The following CITED2 variants were observed in gnomAD, a reference collection of about 807,000 sequenced individuals.
CITED2 encodes cbp/p300-interacting transactivator 2.
CITED2 carries 2 observed loss-of-function variants against 11.8 expected under a neutral mutation model. That is an observed-to-expected ratio of 0.17 (90% CI 0.07 to 0.54). The LOEUF (loss-of-function observed/expected upper bound fraction) is 0.54. CITED2 is among the 20% of genes least tolerant of loss of function. The pLI, the probability that CITED2 is intolerant of heterozygous loss-of-function variation, is 0.94. For missense variants in CITED2, 437 were observed against 390.2 expected, an observed-to-expected ratio of 1.12 and a Z score of -1.01; for synonymous variants, 210 against 153.0, an observed-to-expected ratio of 1.37 and a Z score of -2.75.
intron 1 of CITED2, 102 bp downstream of exon 1, chr6:139,374,311 T>A: frequency 1.3e-6 from 1 of 771,284 alleles, no homozygotes; most frequent in East Asian, 2.8e-5. Context: ...CACATCCTGT[T>A]GTTATTCCCC....
At position 139,373,768 on chromosome 6, in the gene CITED2, G is replaced by A. The variant is rs764649998; in HGVS notation, c.177C>T (p.Gly59=). 7 of 1,610,824 alleles carry A rather than the reference G, an allele frequency of 4.3e-6. No individual in the cohort carries two copies. The South Asian group carries it at 5.5e-5, about 13-fold the overall frequency. ...NALMGEHIHY[G]AGNMNATSGI... ...CGCTCGTGGCATTCATGTTGCCCGC[G>A]CCGTAGTGTATGTGCTCGCCCATTA... Residue 59 remains glycine (G), a synonymous_variant, in exon 2 of 2, where the codon GGC becomes GGT. Coordinates refer to ENST00000367651, the MANE Select transcript of CITED2 (RefSeq NM_006079.5).
intron 1 of CITED2, 150 bp downstream of exon 1, chr6:139,374,263 C>A: frequency 7.9e-7 from 1 of 1,269,636 alleles, no homozygotes; most frequent in South Asian, 1.6e-5. Context: ...CTGCTGCGAA[C>A]TTCAGGCATT....
rs1278257258 is a variant in CITED2, at chr6:139,373,159, T to C, written c.786A>G (p.Lys262=). The C allele has an allele frequency of 6.2e-7, 1 of 1,614,164 alleles. No homozygotes were observed. Among genetic ancestry groups the C allele is most frequent in the Non-Finnish European group, 8.5e-7 (1 of 1,180,016 alleles). ...AACAGCTCACTCTGCTGGGCTGCTG[T>C]TTGCACACGAAGTCCGTCATAAAAT... ...EFDFMTDFVC[K]QQPSRVSC Residue 262 remains lysine, a synonymous_variant, in exon 2 of 2, where the codon AAA becomes AAG. Transcript: ENST00000367651.
Position 139,372,226 on chromosome 6 carries a change from A to ACCACC in CITED2, c.*901_*905dup, listed in dbSNP as rs1156414118. ...GGGAAAAAAGCCACCAAAGGGAACA[A>ACCACC]CCACCCCCAAATGACTTCTAGAAAA... On this transcript the variant is annotated 3_prime_UTR_variant, in exon 2 of 2. Coordinates refer to ENST00000367651, the MANE Select transcript of CITED2 (RefSeq NM_006079.5). 1 of 152,522 alleles carries ACCACC rather than the reference A, an allele frequency of 6.6e-6. No individual in the cohort carries two copies. The highest frequency in any genetic ancestry group is 1.5e-5 in the Non-Finnish European group (1 of 68,048). The allele number at this position is 152,522 out of a possible 1,614,324, so 9.4% of individuals were successfully genotyped here. A position where few individuals can be genotyped will look rare whatever the true frequency, so the allele number is the denominator to read the frequency against.
rs538682711 is a variant in CITED2, at chr6:139,371,884, A to T, written c.*1248T>A. 1 of 152,320 alleles carries T rather than the reference A, an allele frequency of 6.6e-6. No homozygotes were observed. The highest frequency in any genetic ancestry group is 2.1e-4 in the South Asian group (1 of 4,822). The allele number at this position is 152,320 out of a possible 1,614,324, so 9.4% of individuals were successfully genotyped here. A position where few individuals can be genotyped will look rare whatever the true frequency, so the allele number is the denominator to read the frequency against. On this transcript the variant is annotated 3_prime_UTR_variant, in exon 2 of 2. Transcript: ENST00000367651. ...CAATCTACCTCTATTTAAGTAGTTG[A>T]ATCAGGTATAAACAGAAACACTTGA...
chr6:139,373,153 C>G lies in CITED2; in HGVS notation c.792G>C (p.Gln264His). ...CGAGTCAACAGCTCACTCTGCTGGG[C>G]TGCTGTTTGCACACGAAGTCCGTCA... is the stretch of plus-strand genomic sequence containing the variant. ...DFMTDFVCKQ[Q>H]PSRVSC The change falls in exon 2 of 2, where the codon CAG becomes CAC. Residue 264 changes from glutamine (Q) to histidine (H), a missense_variant. Gln to His is a conservative substitution (Grantham distance 24). Transcript: ENST00000367651. 6.2e-7 allele frequency: 1 copy of G among 1,614,202 alleles called. No homozygotes were observed. The highest frequency in any genetic ancestry group is 8.5e-7 in the Non-Finnish European group (1 of 1,180,022).
Position 139,374,418 on chromosome 6 carries a change from G to C in CITED2, c.-14C>G. 2.3e-6 allele frequency: 1 copy of C among 429,674 alleles called. No homozygotes were observed. Among genetic ancestry groups the C allele is most frequent in the East Asian group, 3.5e-5 (1 of 28,906 alleles). 26.6% of individuals were successfully genotyped at this position (429,674 alleles called of 1,614,324 possible). A position where few individuals can be genotyped will look rare whatever the true frequency, so the allele number is the denominator to read the frequency against. On this transcript the variant is annotated 5_prime_UTR_variant, in exon 1 of 2. Transcript: ENST00000367651. ...GCTTCGCCCGTCGCGCTTACCTTCC[G>C]TTTTTGCGATTTCTGCTCCGAAGAC...
At position 139,372,619 on chromosome 6, in the gene CITED2, T is replaced by G. The variant is rs1213271898; in HGVS notation, c.*513A>C. 1 of 182,362 alleles carries G rather than the reference T, an allele frequency of 5.5e-6. No individual in the cohort carries two copies. The highest frequency in any genetic ancestry group is 2.4e-5 in the African/African-American group (1 of 42,120). 11.3% of individuals were successfully genotyped at this position (182,362 alleles called of 1,614,324 possible). A position where few individuals can be genotyped will look rare whatever the true frequency, so the allele number is the denominator to read the frequency against. On this transcript the variant is annotated 3_prime_UTR_variant, in exon 2 of 2. Coordinates refer to ENST00000367651, the MANE Select transcript of CITED2 (RefSeq NM_006079.5). ...TTTAATCTTCCAGTTTAGCATATTTTAAAAATTAGTCTGTACTCAAATGCA... is the reference window on the plus strand; with the variant it reads ...TTTAATCTTCCAGTTTAGCATATTTGAAAAATTAGTCTGTACTCAAATGCA...
In CITED2 at chr6:139,373,807, G is replaced by A. The variant is rs147662583; in HGVS notation, c.138C>T (p.His46=). The A allele has an allele frequency of 4.3e-4, 688 of 1,609,312 alleles. 7 individuals are homozygous for A. Among genetic ancestry groups the A allele is most frequent in the Middle Eastern group, 3.3e-4 (2 of 6,030 alleles). ...GCTCGCCCATTAGGGCGTTGAAGGCGTGCTGGGGCTGCTGCTGCTGGTGGT... is the reference window on the plus strand; with the variant it reads ...GCTCGCCCATTAGGGCGTTGAAGGCATGCTGGGGCTGCTGCTGCTGGTGGT... ...PHHHQQQQPQ[H]AFNALMGEHI... The change falls in exon 2 of 2, where the codon CAC becomes CAT. Residue 46 remains histidine, a synonymous_variant. Transcript: ENST00000367651.
Position 139,373,803 on chromosome 6 carries a change from A to G in CITED2, c.142T>C (p.Phe48Leu). ...HHQQQQPQHAFNALMGEHIHY... is the reference protein window; with the variant it reads ...HHQQQQPQHALNALMGEHIHY... Reference sequence around the variant, plus strand: ...ATGTGCTCGCCCATTAGGGCGTTGAAGGCGTGCTGGGGCTGCTGCTGCTGG... The same window carrying G: ...ATGTGCTCGCCCATTAGGGCGTTGAGGGCGTGCTGGGGCTGCTGCTGCTGG... The change falls in exon 2 of 2, where the codon TTC becomes CTC. Residue 48 changes from phenylalanine to leucine, a missense_variant. Phe to Leu is a conservative substitution (Grantham distance 22). Around this residue, in one of 3 missense-constraint regions of CITED2, gnomAD observed 396 missense variants for 325.2 expected, o/e 1.22. Transcript: ENST00000367651. 6.2e-7 allele frequency: 1 copy of G among 1,609,610 alleles called. No homozygotes were observed. The highest frequency in any genetic ancestry group is 8.5e-7 in the Non-Finnish European group (1 of 1,179,910).
Position 139,374,622 on chromosome 6 carries a change from G to C in CITED2, c.-218C>G, listed in dbSNP as rs112831934. On this transcript the variant is annotated 5_prime_UTR_variant, in exon 1 of 2. Transcript: ENST00000367651. ...GTTGCCCTCACAGCTCGGCAGGACCGCCCGGCAGCTGCCAACAATGAGCTG... is the reference window on the plus strand; with the variant it reads ...GTTGCCCTCACAGCTCGGCAGGACCCCCCGGCAGCTGCCAACAATGAGCTG... 6.2e-6 allele frequency: 1 copy of C among 160,126 alleles called. No homozygotes were observed. The highest frequency in any genetic ancestry group is 2.4e-5 in the African/African-American group (1 of 41,690). The allele number at this position is 160,126 out of a possible 1,614,324, so 9.9% of individuals were successfully genotyped here.
At position 139,373,437 on chromosome 6, in the gene CITED2, AGCCGCCGGG is replaced by A. The variant is rs1778298515; in HGVS notation, c.499_507del (p.Pro167_Gly169del). ...CCGCCGGGGGTGCTGCTGCCGCCCG[AGCCGCCGGG>A]GGTGCTGCTGCCGCCGCTGTGCTTG... is the stretch of plus-strand genomic sequence containing the variant. On this transcript the variant is annotated inframe_deletion, in exon 2 of 2. Transcript: ENST00000367651. 1 of 1,518,390 alleles carries A rather than the reference AGCCGCCGGG, an allele frequency of 6.6e-7. No individual in the cohort carries two copies. Among genetic ancestry groups the A allele is most frequent in the Non-Finnish European group, 8.8e-7 (1 of 1,137,452 alleles). 94.1% of individuals were successfully genotyped at this position (1,518,390 alleles called of 1,614,324 possible).
intron 1 of CITED2, 74 bp downstream of exon 1, chr6:139,374,339 T>G: frequency 3.2e-6 from 2 of 618,290 alleles, no homozygotes; most frequent in Non-Finnish European, 5.2e-6. Flanking sequence ...CCTCACGCTC[T>G]TCCTCCGGGC....
rs752887340 is a variant in CITED2 at position 139,373,934 on chromosome 6, T to C, written c.11A>G (p.His4Arg). 1.3e-6 allele frequency: 2 copies of C among 1,598,764 alleles called. No individual in the cohort carries two copies. The highest frequency in any genetic ancestry group is 2.2e-5 in the East Asian group (1 of 44,846). Residue 4 changes from histidine to arginine, a missense_variant, in exon 2 of 2, where the codon CAT (histidine) becomes CGT (arginine). Transcript: ENST00000367651. ...GCGCCCGTGGTTCATGGCCATCATA[T>C]GGTCTGCCATTTCCAGTCCTGGAAG... is the stretch of plus-strand genomic sequence containing the variant. MAD[H>R]MMAMNHGRFP...
rs779637348 is a variant in CITED2, at chr6:139,373,408, A to AGAGCCGCCGGGGGTGCTGCTGCCGCCC, written c.510_536dup (p.Gly172_Gly180dup). The AGAGCCGCCGGGGGTGCTGCTGCCGCCC allele has an allele frequency of 2.7e-5, 42 of 1,553,708 alleles. No individual in the cohort carries two copies. Among genetic ancestry groups the AGAGCCGCCGGGGGTGCTGCTGCCGCCC allele is most frequent in the African/African-American group, 8.5e-5 (6 of 70,814 alleles). ...CCGCGCCGCCGCCCGAGCTGCTGCC[A>AGAGCCGCCGGGGGTGCTGCTGCCGCCC]GAGCCGCCGGGGGTGCTGCTGCCGC... On this transcript the variant is annotated inframe_insertion, in exon 2 of 2. Coordinates refer to ENST00000367651, the MANE Select transcript of CITED2 (RefSeq NM_006079.5).
chr6:139,373,984 G>A (rs753746073), intron 1 of CITED2, 32 bp from the exon 2 acceptor site: 7 of 1,577,612 alleles, frequency 4.4e-6, no homozygotes, highest in Middle Eastern at 2.1e-4. Flanking sequence ...AATGAGACCC[G>A]CGCCACACGT....
In CITED2 at chr6:139,372,429, G is replaced by A. The variant is rs1470675598; in HGVS notation, c.*703C>T. 15 of 135,440 alleles carry A rather than the reference G, an allele frequency of 1.1e-4. No individual in the cohort carries two copies. 8.4% of individuals were successfully genotyped at this position (135,440 alleles called of 1,614,324 possible). A position where few individuals can be genotyped will look rare whatever the true frequency, so the allele number is the denominator to read the frequency against. ...CTATTAGCACAGTGTCAAAAATGTT[G>A]AAGACAGAAACAAAATAAAAATCTG... On this transcript the variant is annotated 3_prime_UTR_variant, in exon 2 of 2. Coordinates refer to ENST00000367651, the MANE Select transcript of CITED2 (RefSeq NM_006079.5).
chr6:139,373,818 G>A lies in CITED2; in HGVS notation c.127C>T (p.Gln43Ter). 1 of 1,608,394 alleles carries A rather than the reference G, an allele frequency of 6.2e-7. No individual in the cohort carries two copies. ...AGGGCGTTGAAGGCGTGCTGGGGCT[G>A]CTGCTGCTGGTGGTGATGGGGGCTC... ...FPSPHHHQQQ[Q>*]PQHAFNALMG... is the part of the protein sequence containing the mutation. The change falls in exon 2 of 2, where the codon CAG (glutamine) becomes TAG (stop). Residue 43 changes from glutamine to a stop codon, truncating the protein, a stop_gained. Transcript: ENST00000367651. LOFTEE classifies it high-confidence loss of function.
chr6:139,374,136 CAT>C, intron 1 of CITED2, 184 bp from the exon 2 acceptor site: 1 of 1,477,318 alleles, frequency 6.8e-7, no homozygotes, highest in Non-Finnish European at 9.0e-7. Context: ...AGCTACCACT[CAT>C]AACACAGCCG....
Sources: gnomAD v4.1 joint callset for allele counts on GRCh38, gnomAD v4.1.1 for gene constraint, gnomAD v4.1.1 regional missense constraint, MANE v1.5 for transcripts, NCBI Gene and HGNC (gene_info 2026-07-23, HGNC 2026-07-21) for gene names.